PKM: variants seen among roughly 807,000 people sequenced by gnomAD.
PKM encodes the protein pyruvate kinase M1/2, also known as pyruvate kinase PKM.
In PKM, 18 loss-of-function variants were observed where a neutral mutation model predicts 49.8. That is an observed-to-expected ratio of 0.36 (90% CI 0.25 to 0.54). The LOEUF (loss-of-function observed/expected upper bound fraction) is 0.54. Ranked by LOEUF, PKM falls within the 20% of genes least tolerant of loss-of-function variation. The pLI is 0.89. For missense variants in PKM, 508 were observed against 713.8 expected, an observed-to-expected ratio of 0.71 and a Z score of 3.28; for synonymous variants, 239 against 261.8, an observed-to-expected ratio of 0.91 and a Z score of 0.84.
chr15:72,213,345 T>C (rs1479937076), intron 3 of PKM, among the ~76,000 whole-genome samples: 1 of 152,208 alleles, frequency 6.6e-6, no homozygotes, highest in Non-Finnish European at 1.5e-5. Flanking sequence ...AAGATTTCTA[T>C]ATTTCTCTAG....
In PKM at chr15:72,205,109, T is replaced by G. The variant is rs34388767; in HGVS notation, c.1140+1619A>C. Among the ~76,000 whole-genome samples, 156 of 121,862 alleles carry G rather than the reference T, an allele frequency of 1.3e-3. 1 individual carries two copies. The highest frequency in any genetic ancestry group is 0.011 in the Middle Eastern group (3 of 278). The allele number at this position is 121,862 out of a possible 152,430, so 79.9% of individuals were successfully genotyped here. A position where few individuals can be genotyped will look rare whatever the true frequency, so the allele number is the denominator to read the frequency against. On this transcript the variant is annotated intron_variant, in intron 8 of 10. Transcript: ENST00000335181. ...AAATCACTCTCTACCGATTTTTTTG[T>G]TTTTTTTTTTATGTTTGTTTGGTTT...
In PKM at chr15:72,202,522, G is replaced by A. The variant is rs559983009; in HGVS notation, c.1239C>T (p.Ala413=). The A allele has an allele frequency of 6.8e-6, 11 of 1,613,458 alleles. No homozygotes were observed. The highest frequency in any genetic ancestry group is 2.2e-5 in the South Asian group (2 of 91,034). The change falls in exon 9 of 11, where the codon GCC becomes GCT. Residue 413 remains alanine (A), a synonymous_variant. Transcript: ENST00000335181. The surrounding 1 kb of genome is among the most constrained non-coding windows in gnomAD (Gnocchi z 4.5). ...TGAAGGAGGCCTCCACGGCACCCAC[G>A]GCGGTGGCTTCTGTGGGGTCGCTGG... is the stretch of plus-strand genomic sequence containing the variant. ...PITSDPTEAT[A]VGAVEASFKC...
rs762772563 is a variant in PKM at position 72,210,447 on chromosome 15, G to A, written c.278C>T (p.Thr93Ile). Residue 93 changes from threonine (T) to isoleucine (I), a missense_variant, in exon 4 of 11, where the codon ACA (threonine) becomes ATA (isoleucine). Transcript: ENST00000335181. ...YHAETIKNVR[T>I]ATESFASDPI... is the part of the protein sequence containing the mutation. ...GTCAGAAGCAAAGCTTTCCGTGGCT[G>A]TGCGCACATTCTTGATGGTCTCCGC... The A allele has an allele frequency of 1.6e-5, 26 of 1,614,018 alleles. No homozygotes were observed. Among genetic ancestry groups the A allele is most frequent in the Non-Finnish European group, 7.6e-6 (9 of 1,180,000 alleles).
chr15:72,229,944 A>G (rs2082802813), intron 1 of PKM, among the ~76,000 whole-genome samples: 1 of 151,250 alleles, frequency 6.6e-6, no homozygotes, highest in Non-Finnish European at 1.5e-5. Flanking sequence ...AAAGAAAGGA[A>G]AAGAAAGAAA....
chr15:72,230,866 AG>A, intron 1 of PKM: 5 of 1,147,476 alleles, frequency 4.4e-6, no homozygotes, highest in Non-Finnish European at 5.8e-6. Context: ...ATGAGGGGGT[AG>A]GGCTGGGGCG....
At chr15:72,229,726 G>T in intron 1 of PKM, 1 of 1,189,476 alleles carries the variant, frequency 8.4e-7, no homozygotes, top group Non-Finnish European at 1.1e-6. Flanking sequence ...TGAGCTCGGT[G>T]GGCTATGACT....
intron 1 of PKM, among the ~76,000 whole-genome samples, chr15:72,222,029 G>C (rs886083463): frequency 2.6e-5 from 4 of 151,588 alleles, no homozygotes; most frequent in African/African-American, 4.9e-5. Context: ...TACAGTAAAA[G>C]CTTTTGACAA....
intron 9 of PKM, chr15:72,201,482 C>G (rs1398964492): frequency 6.6e-6 from 1 of 152,276 alleles, no homozygotes; most frequent in Non-Finnish European, 1.5e-5. Context: ...AAACTTAAGC[C>G]ACATCACAGC....
chr15:72,216,298 T>G (rs933930439), intron 3 of PKM, among the ~76,000 whole-genome samples: 1 of 152,166 alleles, frequency 6.6e-6, no homozygotes, highest in Non-Finnish European at 1.5e-5. Flanking sequence ...CGAAATCCCA[T>G]GATCTATGGG....
chr15:72,228,622 G>A, intron 1 of PKM: 1 of 1,284,828 alleles, frequency 7.8e-7, no homozygotes, highest in Non-Finnish European at 1.0e-6. Context: ...GAAAGGTTGA[G>A]TCATCTTCCC....
intron 1 of PKM, among the ~76,000 whole-genome samples, chr15:72,227,016 C>G (rs1410185397): frequency 6.6e-6 from 1 of 152,228 alleles, no homozygotes; most frequent in Non-Finnish European, 1.5e-5. Context: ...TCACCCTCCA[C>G]CACTCACCCA....
At position 72,210,285 on chromosome 15, in the gene PKM, G is replaced by A. The variant is rs939659088; in HGVS notation, c.378+62C>T. The stretch of plus-strand genomic sequence containing the variant: ...AAACATGGCAACCCAGCGCTTTGGA[G>A]GACATGTCTCTGGGGCATATTGCCT... On this transcript the variant is annotated intron_variant, in intron 4 of 10. Transcript: ENST00000335181. The A allele has an allele frequency of 5.7e-6, 9 of 1,577,594 alleles. No individual in the cohort carries two copies. In the African/African-American group the frequency reaches 1.2e-4, roughly 21 times the overall value.
rs752132639 is a variant in PKM at position 72,208,897 on chromosome 15, T to C, written c.566-6A>G. ...CGTCACCAGGAAGTCGGCACCTGTATGAAAAAGGGTAAGTAGGGGAGGCAG... is the reference window on the plus strand; with the variant it reads ...CGTCACCAGGAAGTCGGCACCTGTACGAAAAAGGGTAAGTAGGGGAGGCAG... On this transcript the variant is annotated splice_region_variant and splice_polypyrimidine_tract_variant and intron_variant, in intron 5 of 10. Transcript: ENST00000335181. 11 of 1,612,922 alleles carry C rather than the reference T, an allele frequency of 6.8e-6. No homozygotes were observed. The highest frequency in any genetic ancestry group is 2.2e-5 in the South Asian group (2 of 90,962).
At chr15:72,201,654 G>C (rs1400266064) in intron 9 of PKM, 1 of 152,340 alleles carries the variant, frequency 6.6e-6, no homozygotes, top group African/African-American at 2.4e-5. Context: ...CTACGGGTTG[G>C]AGCTGTTCAG....
At position 72,218,940 on chromosome 15, in the gene PKM, TCAC is replaced by T. The variant is rs772157903; in HGVS notation, c.154+1_154+3del. On this transcript the variant is annotated splice_donor_variant and splice_donor_region_variant and intron_variant, in intron 2 of 10. Coordinates refer to ENST00000335181, the MANE Select transcript of PKM (RefSeq NM_002654.6). LOFTEE classifies it high-confidence loss of function. ...TTTTTGGGGGAAGGGGCACACCCAC[TCAC>T]CAATGGTACAGATGATGCCAGTGTT... 6.2e-7 allele frequency: 1 copy of T among 1,614,084 alleles called. No homozygotes were observed.
At chr15:72,215,894 T>C (rs1482466873) in intron 3 of PKM, among the ~76,000 whole-genome samples, 1 of 152,162 alleles carries the variant, frequency 6.6e-6, no homozygotes, top group Non-Finnish European at 1.5e-5. Context: ...TGACTCCTGC[T>C]AAGGACCCCT....
At chr15:72,220,390 G>C (rs2082491322) in intron 1 of PKM, among the ~76,000 whole-genome samples, 2 of 152,074 alleles carry the variant, frequency 1.3e-5, no homozygotes, top group Non-Finnish European at 2.9e-5. Flanking sequence ...TGGGCTCTCT[G>C]GGTGGCTCGA....
rs2081860923 is a variant in PKM, at chr15:72,199,092, G to A, written c.*558C>T. ...CTATAGCAACAGGCCTGGAGGTGCTGCAGTAGTGGGGGAAAATGGAAGGTG... is the reference window on the plus strand; with the variant it reads ...CTATAGCAACAGGCCTGGAGGTGCTACAGTAGTGGGGGAAAATGGAAGGTG... On this transcript the variant is annotated 3_prime_UTR_variant, in exon 11 of 11. Transcript: ENST00000335181. The A allele has an allele frequency of 7.0e-6, 2 of 286,854 alleles. No homozygotes were observed. Among genetic ancestry groups the A allele is most frequent in the South Asian group, 6.4e-5 (2 of 31,390 alleles). The allele number at this position is 286,854 out of a possible 1,614,324, so 17.8% of individuals were successfully genotyped here. A position where few individuals can be genotyped will look rare whatever the true frequency, so the allele number is the denominator to read the frequency against.
In PKM at chr15:72,228,617, G is replaced by A. The variant is rs1188224195; in HGVS notation, c.-14+2499C>T. On this transcript the variant is annotated intron_variant, in intron 1 of 10. Transcript: ENST00000335181. ...CTCTCAAAAGCAGAATAATTGAAAG[G>A]TTGAGTCATCTTCCCCACAGAGCCC... 7 of 1,283,004 alleles carry A rather than the reference G, an allele frequency of 5.5e-6. No homozygotes were observed. The East Asian group carries it at 1.7e-4, about 31-fold the overall frequency. 79.5% of individuals were successfully genotyped at this position (1,283,004 alleles called of 1,614,324 possible).
Sources: gnomAD v4.1 joint callset for allele counts (sites outside exome capture counted in the v4.1 genomes callset) on GRCh38, gnomAD v4.1.1 for gene constraint, Gnocchi (gnomAD v3.1) non-coding constraint, MANE v1.5 for transcripts, NCBI Gene and HGNC (gene_info 2026-07-23, HGNC 2026-07-21) for gene names.